The following TLE1 variants were observed in gnomAD, a reference collection of about 807,000 sequenced individuals.
The protein encoded by TLE1 is TLE family member 1, transcriptional corepressor, also known as transducin-like enhancer protein 1.
A neutral mutation model predicts 89.8 loss-of-function variants in TLE1; 21 were observed. The ratio of observed to expected loss-of-function variants is 0.23; its 90% CI spans 0.17 to 0.34. The LOEUF (loss-of-function observed/expected upper bound fraction) is 0.34. TLE1 is among the 10% of genes least tolerant of loss of function. TLE1 has a pLI of 1.00. For missense variants in TLE1, 795 were observed against 1,031.2 expected (o/e 0.77, Z 3.14); for synonymous variants, 447 against 407.6 (o/e 1.10, Z -1.16).
At chr9:81,628,260 C>A (rs1408317064) in intron 8 of TLE1, among the ~76,000 whole-genome samples, 1 of 152,032 alleles carries the variant, frequency 6.6e-6, no homozygotes, top group Non-Finnish European at 1.5e-5. Flanking sequence ...TGTGAGGCAA[C>A]CACTACTATC....
At chr9:81,599,905 A>T (rs1277247751) in intron 14 of TLE1, 2 of 502,418 alleles carry the variant, frequency 4.0e-6, no homozygotes, top group South Asian at 4.0e-5. Flanking sequence ...ATTTTCATTT[A>T]TTTTTTTTAA....
At position 81,591,178 on chromosome 9, in the gene TLE1, A is replaced by G. The variant is rs1829437900; in HGVS notation, c.1582-126T>C. 3.1e-6 allele frequency: 4 copies of G among 1,285,930 alleles called. No individual in the cohort carries two copies. In the Admixed American group the frequency reaches 9.6e-5, roughly 31 times the overall value. The allele number at this position is 1,285,930 out of a possible 1,614,324, so 79.7% of individuals were successfully genotyped here. A position where few individuals can be genotyped will look rare whatever the true frequency, so the allele number is the denominator to read the frequency against. ...TTCATGGACACTCTAACAGAGCAAG[A>G]GTTCTCTAGTCAAGATTGGGGTCCA... On this transcript the variant is annotated intron_variant, in intron 15 of 19. Transcript: ENST00000376499.
rs144683885 is a variant in TLE1 at position 81,662,562 on chromosome 9, G to T, written c.235-8526C>A. On this transcript the variant is annotated intron_variant, in intron 4 of 19. Transcript: ENST00000376499. ...ATACAAAAAAAATTAGCAGGGCATG[G>T]TGATGCATGCCTGTAATCCCAGCTA... Among the ~76,000 whole-genome samples the T allele has an allele frequency of 6.2e-4, 95 of 152,034 alleles. 1 individual carries two copies. Among genetic ancestry groups the T allele is most frequent in the African/African-American group, 2.2e-3 (91 of 41,482 alleles).
chr9:81,585,953 C>A (rs1214911002), intron 17 of TLE1, among the ~76,000 whole-genome samples: 1 of 151,420 alleles, frequency 6.6e-6, no homozygotes, highest in Admixed American at 6.6e-5. Flanking sequence ...GAGACACTAA[C>A]TGAAATACGA....
At chr9:81,587,855 T>C in intron 16 of TLE1, 27 bp from the exon 17 acceptor site, 3 of 1,599,432 alleles carry the variant, frequency 1.9e-6, no homozygotes, top group East Asian at 2.2e-5. Context: ...GATTGAATAA[T>C]GATTTCCTGC....
At chr9:81,644,410 A>C (rs1247738346) in intron 6 of TLE1, among the ~76,000 whole-genome samples, 2 of 152,232 alleles carry the variant, frequency 1.3e-5, no homozygotes, top group Non-Finnish European at 2.9e-5. Context: ...TACTGGTGAT[A>C]CGACAACATG....
At chr9:81,587,211 G>A (rs1330399574) in intron 17 of TLE1, among the ~76,000 whole-genome samples, 1 of 152,064 alleles carries the variant, frequency 6.6e-6, no homozygotes, top group Non-Finnish European at 1.5e-5. Context: ...GCATTTTTTT[G>A]AGCTCTCTGG....
At chr9:81,681,508 C>T (rs994313387) in intron 4 of TLE1, among the ~76,000 whole-genome samples, 1 of 151,746 alleles carries the variant, frequency 6.6e-6, no homozygotes, top group African/African-American at 2.4e-5. Context: ...CGAGACTGTG[C>T]CACCACACTC....
At chr9:81,673,382 G>A (rs533992158) in intron 4 of TLE1, among the ~76,000 whole-genome samples, 48 of 150,546 alleles carry the variant, frequency 3.2e-4, no homozygotes, top group Non-Finnish European at 6.3e-4. Flanking sequence ...AATAAAACAC[G>A]GTAATGGGAA....
chr9:81,630,277 A>G (rs1005732206), intron 8 of TLE1, among the ~76,000 whole-genome samples: 3 of 152,194 alleles, frequency 2.0e-5, no homozygotes, highest in Non-Finnish European at 2.9e-5. Context: ...TAAATACCAC[A>G]AAAGAGCGAA....
intron 11 of TLE1, among the ~76,000 whole-genome samples, chr9:81,613,843 T>C (rs910847325): frequency 2.0e-5 from 3 of 152,014 alleles, no homozygotes; most frequent in African/African-American, 7.2e-5. Context: ...CCAGAGAATA[T>C]TTCCCAGGCA....
At chr9:81,589,562 C>A (rs1829173112) in intron 16 of TLE1, among the ~76,000 whole-genome samples, 1 of 152,140 alleles carries the variant, frequency 6.6e-6, no homozygotes, top group African/African-American at 2.4e-5. Context: ...CAGACGAGAG[C>A]AGAATGCCTG....
At chr9:81,592,813 AATCC>A (rs1195117272) in intron 15 of TLE1, among the ~76,000 whole-genome samples, 1 of 152,192 alleles carries the variant, frequency 6.6e-6, no homozygotes, top group Non-Finnish European at 1.5e-5. Context: ...TTTAAAAAGA[AATCC>A]ATCAACTCTG....
intron 7 of TLE1, 139 bp from the exon 8 acceptor site, chr9:81,633,503 T>C: frequency 2.6e-6 from 3 of 1,142,606 alleles, no homozygotes; most frequent in South Asian, 2.7e-5. Context: ...ATATAAGTCA[T>C]TGCACATTCC....
At chr9:81,625,970 A>G (rs1825858742) in intron 8 of TLE1, among the ~76,000 whole-genome samples, 1 of 150,884 alleles carries the variant, frequency 6.6e-6, no homozygotes, top group Non-Finnish European at 1.5e-5. Context: ...CAATGCTATC[A>G]AACACTAGTT....
chr9:81,591,368 C>G (rs1370836135), intron 15 of TLE1, among the ~76,000 whole-genome samples: 1 of 152,216 alleles, frequency 6.6e-6, no homozygotes, highest in Admixed American at 6.5e-5. Context: ...GTTTATAAAT[C>G]TACCTCATCA....
intron 14 of TLE1, 103 bp downstream of exon 14, chr9:81,610,117 T>C (rs1190421238): frequency 1.1e-5 from 11 of 1,035,914 alleles, no homozygotes; most frequent in Non-Finnish European, 1.4e-5. Context: ...AGAAATCTCC[T>C]TGGAAACGCC....
In TLE1 at chr9:81,660,934, A is replaced by AACACACACACACACAC. The variant is rs548190067; in HGVS notation, c.235-6914_235-6899dup. Among the ~76,000 whole-genome samples, 88 of 88,850 alleles carry AACACACACACACACAC rather than the reference A, an allele frequency of 9.9e-4. 2 individuals are homozygous for AACACACACACACACAC. The highest frequency in any genetic ancestry group is 3.2e-3 in the African/African-American group (76 of 23,426). The allele number at this position is 88,850 out of a possible 152,430, so 58.3% of individuals were successfully genotyped here. A position where few individuals can be genotyped will look rare whatever the true frequency, so the allele number is the denominator to read the frequency against. ...ACACGGTGAAACCCCATCCCTACTA[A>AACACACACACACACAC]ACACACACACACACACACACACACA... is the stretch of plus-strand genomic sequence containing the variant. On this transcript the variant is annotated intron_variant, in intron 4 of 19. Transcript: ENST00000376499.
intron 4 of TLE1, among the ~76,000 whole-genome samples, chr9:81,655,305 G>A (rs535256819): frequency 1.3e-5 from 2 of 152,116 alleles, no homozygotes; most frequent in African/African-American, 4.8e-5. Context: ...GCAGGCTGCA[G>A]TGAGCCGAGA....
Sources: gnomAD v4.1 joint callset for allele counts (sites outside exome capture counted in the v4.1 genomes callset) on GRCh38, gnomAD v4.1.1 for gene constraint, MANE v1.5 for transcripts, NCBI Gene and HGNC (gene_info 2026-07-23, HGNC 2026-07-21) for gene names.